The following CUBN variants were observed in gnomAD, a reference collection of about 807,000 sequenced individuals.
The protein encoded by CUBN is 460 kDa receptor.
CUBN carries 282 observed loss-of-function variants against 405.3 expected under a neutral mutation model. That is an observed-to-expected ratio of 0.70 (90% CI 0.63 to 0.77). The LOEUF is 0.77. Ranked by LOEUF, CUBN falls within the 30% of genes least tolerant of loss-of-function variation. The probability of loss-of-function intolerance (pLI) is 0.00; values close to 1 mark genes in which losing one functional copy is unlikely to be tolerated. For synonymous variants in CUBN, 1,684 were observed against 1,617.0 expected, an observed-to-expected ratio of 1.04 and a Z score of -0.99; for missense variants, 4,514 against 4,475.2, an observed-to-expected ratio of 1.01 and a Z score of -0.25.
intron 28 of CUBN, among the ~76,000 whole-genome samples, chr10:17,007,859 C>T (rs1356046555): frequency 6.6e-6 from 1 of 152,140 alleles, no homozygotes; most frequent in Non-Finnish European, 1.5e-5. Context: ...CACACAAATG[C>T]ATTTAAGAAT....
chr10:16,877,087 A>G lies in CUBN; in HGVS notation c.8916T>C (p.Ala2972=). ...FVSFHLEARS[A]VTGSCVNDGV... ...CATCGTTGACACAGCTTCCCGTCACAGCGGAACGAGCTGGAAAAGGCATGG... is the reference window on the plus strand; with the variant it reads ...CATCGTTGACACAGCTTCCCGTCACGGCGGAACGAGCTGGAAAAGGCATGG... The change falls in exon 57 of 67, where the codon GCT becomes GCC. Residue 2972 remains alanine, a synonymous_variant. Coordinates refer to ENST00000377833, the MANE Select transcript of CUBN (RefSeq NM_001081.4). The G allele has an allele frequency of 6.2e-7, 1 of 1,613,570 alleles. No homozygotes were observed. The highest frequency in any genetic ancestry group is 1.1e-5 in the South Asian group (1 of 91,000).
chr10:17,027,034 G>A (rs1269209757), intron 27 of CUBN, among the ~76,000 whole-genome samples: 1 of 152,194 alleles, frequency 6.6e-6, no homozygotes. Flanking sequence ...TGAGTTACAG[G>A]TCTGTCTCAT....
chr10:17,091,407 A>G (rs1455344491), intron 14 of CUBN, among the ~76,000 whole-genome samples: 1 of 152,194 alleles, frequency 6.6e-6, no homozygotes, highest in African/African-American at 2.4e-5. Context: ...CTTTTTAAAA[A>G]AAAGAAAAAG....
At chr10:16,964,766 G>A (rs1386565760) in intron 31 of CUBN, among the ~76,000 whole-genome samples, 1 of 152,186 alleles carries the variant, frequency 6.6e-6, no homozygotes, top group Non-Finnish European at 1.5e-5. Flanking sequence ...CTAGCCTCTT[G>A]CTGCCGCCAG....
chr10:16,893,379 T>C (rs1323154577), intron 54 of CUBN, among the ~76,000 whole-genome samples: 1 of 144,000 alleles, frequency 6.9e-6, no homozygotes, highest in Admixed American at 7.1e-5. Context: ...CTCAGTTTCC[T>C]AGTTTTACTT....
At chr10:17,086,120 C>T (rs1192874589) in intron 15 of CUBN, among the ~76,000 whole-genome samples, 1 of 152,094 alleles carries the variant, frequency 6.6e-6, no homozygotes, top group African/African-American at 2.4e-5. Context: ...CACCTGCCAC[C>T]ACGCCCAGCT....
intron 7 of CUBN, 111 bp downstream of exon 7, chr10:17,115,360 G>T: frequency 7.3e-7 from 1 of 1,362,444 alleles, no homozygotes; most frequent in South Asian, 1.2e-5. Flanking sequence ...GACAGGAAGT[G>T]ACTTCACCTC....
At chr10:17,065,709 T>A in intron 21 of CUBN, 71 bp from the exon 22 acceptor site, 2 of 1,575,584 alleles carry the variant, frequency 1.3e-6, no homozygotes, top group African/African-American at 1.3e-5. Flanking sequence ...TAACAAAAAT[T>A]TGGACATGTA....
Position 16,877,025 on chromosome 10 carries a change from G to T in CUBN, c.8978C>A (p.Thr2993Asn), listed in dbSNP as rs1840526868. ...ATCCCCACACACAGTAGCAAATGGG[G>T]TGGACATGACGCTGTAACCTCTGAT... ...HIIRGYSVMS[T>N]PFATVCGDEM... The change falls in exon 57 of 67, where the codon ACC (threonine) becomes AAC (asparagine). Residue 2993 changes from threonine (T) to asparagine (N), a missense_variant. Physicochemically the swap from Thr to Asn is moderately conservative, Grantham distance 65. Transcript: ENST00000377833. 1.9e-6 allele frequency: 3 copies of T among 1,614,054 alleles called. No homozygotes were observed. Among genetic ancestry groups the T allele is most frequent in the Non-Finnish European group, 2.5e-6 (3 of 1,180,030 alleles).
intron 27 of CUBN, among the ~76,000 whole-genome samples, chr10:17,036,149 T>C (rs17431906): frequency 0.036 from 5,542 of 152,184 alleles, 211 homozygotes; most frequent in South Asian, 0.21. Flanking sequence ...ATGAGTATCG[T>C]CCATAGGCAG....
At chr10:16,947,783 C>G (rs1243145889) in intron 35 of CUBN, among the ~76,000 whole-genome samples, 1 of 152,232 alleles carries the variant, frequency 6.6e-6, no homozygotes, top group Non-Finnish European at 1.5e-5. Flanking sequence ...TGTTCTGTAG[C>G]TTTTAACCAC....
intron 28 of CUBN, among the ~76,000 whole-genome samples, chr10:17,013,420 GTC>G (rs1564478441): frequency 6.0e-5 from 9 of 149,424 alleles, no homozygotes; most frequent in Admixed American, 6.0e-4. Context: ...TCCTCTCTCT[GTC>G]TCTCTGTCTG....
intron 31 of CUBN, among the ~76,000 whole-genome samples, chr10:16,967,974 GGAGA>G (rs1396239239): frequency 3.1e-5 from 4 of 130,862 alleles, no homozygotes; most frequent in African/African-American, 5.9e-5. Context: ...AGAAAGACAG[GGAGA>G]GAGAGAGAGG....
chr10:16,972,357 C>G (rs1832959696), intron 31 of CUBN, among the ~76,000 whole-genome samples: 1 of 152,108 alleles, frequency 6.6e-6, no homozygotes, highest in Non-Finnish European at 1.5e-5. Context: ...TTATGTCAAA[C>G]TATATAATAT....
chr10:17,033,566 G>A (rs181306409), intron 27 of CUBN, among the ~76,000 whole-genome samples: 183 of 152,262 alleles, frequency 1.2e-3, no homozygotes, highest in Non-Finnish European at 1.1e-3. Flanking sequence ...CACAGCAAAC[G>A]CAAAACAAAA....
intron 48 of CUBN, among the ~76,000 whole-genome samples, chr10:16,908,491 T>G (rs2131440910): frequency 6.6e-6 from 1 of 152,348 alleles, no homozygotes; most frequent in East Asian, 1.9e-4. Flanking sequence ...AAAATCAATC[T>G]CCATCTGCAA....
At chr10:17,052,786 A>AAG (rs71505102) in intron 22 of CUBN, among the ~76,000 whole-genome samples, 6,467 of 108,470 alleles carry the variant, frequency 0.06, 151 homozygotes, top group Middle Eastern at 0.096. Flanking sequence ...AAAAAAAAAA[A>AAG]AGAGAGAGAG....
chr10:17,113,652 T>C (rs58129860), intron 8 of CUBN, among the ~76,000 whole-genome samples: 3,621 of 152,252 alleles, frequency 0.024, 150 homozygotes, highest in African/African-American at 0.08. Context: ...GCTACTAGAC[T>C]GTGGTGGAGA....
intron 31 of CUBN, among the ~76,000 whole-genome samples, chr10:16,961,511 G>C (rs1419929639): frequency 6.6e-6 from 1 of 152,114 alleles, no homozygotes; most frequent in Non-Finnish European, 1.5e-5. Context: ...ATCCCTTCCT[G>C]GTGGCATTTC....
Sources: allele counts gnomAD v4.1 joint callset (sites outside exome capture counted in the v4.1 genomes callset), GRCh38; gene constraint gnomAD v4.1.1; transcripts MANE v1.5; gene names NCBI Gene and HGNC (gene_info 2026-07-23, HGNC 2026-07-21).